The following LRRC37A2 variants were observed in gnomAD, a reference collection of about 807,000 sequenced individuals.
The protein encoded by LRRC37A2 is leucine-rich repeat-containing protein 37A2.
LRRC37A2 carries 9 observed loss-of-function variants against 68.8 expected under a neutral mutation model. The observed-to-expected ratio is 0.13, with a 90% CI of 0.08 to 0.23. The LOEUF (loss-of-function observed/expected upper bound fraction) is 0.23. Among genes scored for constraint, LRRC37A2 ranks in the 10% least tolerant of loss-of-function variants. The probability of loss-of-function intolerance (pLI) is 1.00; values close to 1 mark genes in which losing one functional copy is unlikely to be tolerated. For missense variants in LRRC37A2, 168 were observed against 950.4 expected (o/e 0.18, Z 10.82); for synonymous variants, 63 against 367.6 (o/e 0.17, Z 9.48).
the LRRC37A2 span, among the ~76,000 whole-genome samples, chr17:46,750,726 GGGT>G: frequency 6.6e-6 from 1 of 152,252 alleles, no homozygotes; most frequent in African/African-American, 2.4e-5. Context: ...AAACTTGAAT[GGGT>G]GGTGGTGTGG....
chr17:46,912,786 T>C, the LRRC37A2 span, among the ~76,000 whole-genome samples: 1 of 152,152 alleles, frequency 6.6e-6, no homozygotes, highest in African/African-American at 2.4e-5. Flanking sequence ...CTGGGGTCAT[T>C]GTTGCTGTCC....
the LRRC37A2 span, among the ~76,000 whole-genome samples, chr17:46,501,313 C>A: frequency 8.6e-5 from 13 of 151,198 alleles, no homozygotes; most frequent in Admixed American, 8.5e-4. Context: ...GTAGCTGGGA[C>A]CACAGGCATG....
chr17:46,978,399 A>AAG, the LRRC37A2 span: 1 of 504,628 alleles, frequency 2.0e-6, no homozygotes, highest in Middle Eastern at 5.0e-4. Context: ...CAAACAAAAA[A>AAG]AACTGGTAAG....
chr17:46,760,488 A>G, the LRRC37A2 span, among the ~76,000 whole-genome samples: 1 of 151,414 alleles, frequency 6.6e-6, no homozygotes, highest in African/African-American at 2.4e-5. Flanking sequence ...TTAAAAAATT[A>G]GCTGGGCATG....
At chr17:46,900,146 C>A in the LRRC37A2 span, among the ~76,000 whole-genome samples, 1 of 117,884 alleles carries the variant, frequency 8.5e-6, no homozygotes, top group Non-Finnish European at 1.6e-5. Flanking sequence ...TCCTCCCATC[C>A]TTTTCTATAT....
the LRRC37A2 span, among the ~76,000 whole-genome samples, chr17:46,775,739 G>A: frequency 2.0e-5 from 3 of 148,298 alleles, no homozygotes; most frequent in Admixed American, 6.8e-5. Context: ...TCAGCCTCCC[G>A]AGTAGCTGGG....
the LRRC37A2 span, among the ~76,000 whole-genome samples, chr17:46,857,848 A>G: frequency 1.3e-5 from 2 of 152,260 alleles, no homozygotes; most frequent in African/African-American, 4.8e-5. Context: ...TCCCATGTGT[A>G]TATTGGTCAT....
the LRRC37A2 span, among the ~76,000 whole-genome samples, chr17:46,832,453 C>T: frequency 6.6e-6 from 1 of 152,034 alleles, no homozygotes; most frequent in Non-Finnish European, 1.5e-5. Flanking sequence ...GAAAGACCTC[C>T]TGCCAGGCCT....
At chr17:46,877,064 C>T in the LRRC37A2 span, 1 of 1,102,990 alleles carries the variant, frequency 9.1e-7, no homozygotes. Flanking sequence ...TTCCATCTTG[C>T]TTCCTGGGAT....
the LRRC37A2 span, among the ~76,000 whole-genome samples, chr17:46,708,604 G>T: frequency 6.9e-6 from 1 of 144,818 alleles, no homozygotes; most frequent in Admixed American, 7.2e-5. Flanking sequence ...TGATTCTCCT[G>T]CCTCAGCCTC....
the LRRC37A2 span, among the ~76,000 whole-genome samples, chr17:46,944,233 T>G: frequency 7.2e-5 from 11 of 152,056 alleles, no homozygotes; most frequent in Admixed American, 6.6e-4. Context: ...AGGGAAGGAG[T>G]TGGAGACAAG....
At chr17:46,946,662 A>G in the LRRC37A2 span, among the ~76,000 whole-genome samples, 1 of 152,168 alleles carries the variant, frequency 6.6e-6, no homozygotes, top group African/African-American at 2.4e-5. Context: ...CAGGAGTTCG[A>G]GACCAGCCTG....
chr17:46,969,108 A>T, the LRRC37A2 span, among the ~76,000 whole-genome samples: 1 of 152,160 alleles, frequency 6.6e-6, no homozygotes, highest in African/African-American at 2.4e-5. Context: ...CTCCCAGGAG[A>T]AGCGGAAGCC....
chr17:46,860,566 C>T, the LRRC37A2 span, among the ~76,000 whole-genome samples: 3 of 152,216 alleles, frequency 2.0e-5, no homozygotes, highest in Non-Finnish European at 4.4e-5. Flanking sequence ...TAATCTTGAT[C>T]TCTTAGGCTT....
chr17:46,807,368 G>T, the LRRC37A2 span, among the ~76,000 whole-genome samples: 1 of 152,214 alleles, frequency 6.6e-6, no homozygotes, highest in Non-Finnish European at 1.5e-5. Context: ...TATAATCCCA[G>T]GTACTTGGGA....
chr17:46,980,836 AAAAAT>A, the LRRC37A2 span, among the ~76,000 whole-genome samples: 12 of 152,062 alleles, frequency 7.9e-5, no homozygotes, highest in East Asian at 1.2e-3. Context: ...CCGTCTCAAA[AAAAAT>A]AAAATAAAAT....
the LRRC37A2 span, among the ~76,000 whole-genome samples, chr17:46,732,871 T>TCAG: frequency 6.6e-6 from 1 of 152,190 alleles, no homozygotes; most frequent in Admixed American, 6.5e-5. Flanking sequence ...CTCTGAGAAC[T>TCAG]CAGCAGCAGC....
At chr17:46,490,867 C>T in the LRRC37A2 span, among the ~76,000 whole-genome samples, 1 of 150,122 alleles carries the variant, frequency 6.7e-6, no homozygotes, top group Non-Finnish European at 1.5e-5. Context: ...TGTGTACATA[C>T]ATACATACTT....
At chr17:46,861,121 T>C in the LRRC37A2 span, among the ~76,000 whole-genome samples, 1 of 152,226 alleles carries the variant, frequency 6.6e-6, no homozygotes, top group South Asian at 2.1e-4. Flanking sequence ...GAACCCCAAC[T>C]GGAGGCCTGT....
Sources: allele counts gnomAD v4.1 joint callset (sites outside exome capture counted in the v4.1 genomes callset), GRCh38; gene constraint gnomAD v4.1.1; transcripts MANE v1.5; gene names NCBI Gene and HGNC (gene_info 2026-07-23, HGNC 2026-07-21).